The following TTC27 variants were observed in gnomAD, a reference collection of about 807,000 sequenced individuals.
TTC27 encodes tetratricopeptide repeat protein 27.
In TTC27, 79 loss-of-function variants were observed where a neutral mutation model predicts 115.9. That is an observed-to-expected ratio of 0.68 (90% confidence interval 0.57 to 0.82). The LOEUF (loss-of-function observed/expected upper bound fraction) is 0.82. Among genes scored for constraint, TTC27 ranks in the 40% least tolerant of loss-of-function variants. The pLI, the probability that TTC27 is intolerant of heterozygous loss-of-function variation, is 0.00. For missense variants in TTC27, 1,054 were observed against 993.1 expected (o/e 1.06, Z -0.82); for synonymous variants, 401 against 356.0 (o/e 1.13, Z -1.42).
intron 9 of TTC27, among the ~76,000 whole-genome samples, chr2:32,685,849 T>C (rs1979149): frequency 0.83 from 125,846 of 152,126 alleles, 52,101 homozygotes; most frequent in Middle Eastern, 0.92. Flanking sequence ...ACTAGAATCC[T>C]AGTAGTGCAA....
At chr2:32,767,484 G>A (rs1472253193) in intron 13 of TTC27, among the ~76,000 whole-genome samples, 11 of 117,404 alleles carry the variant, frequency 9.4e-5, no homozygotes, top group Admixed American at 3.6e-4. Context: ...ACAGAGTCTC[G>A]CTCTGTCTCC....
chr2:32,773,459 G>A (rs2148009129), intron 13 of TTC27, among the ~76,000 whole-genome samples: 1 of 152,326 alleles, frequency 6.6e-6, no homozygotes, highest in Non-Finnish European at 1.5e-5. Context: ...TAACTGCCCT[G>A]TTTCCCCCTC....
At chr2:32,696,266 G>GTTTAT (rs144957414) in intron 9 of TTC27, among the ~76,000 whole-genome samples, 15 of 150,428 alleles carry the variant, frequency 1.0e-4, no homozygotes, top group African/African-American at 2.9e-4. Context: ...CCACATTTTT[G>GTTTAT]TTTATTTTAT....
chr2:32,816,150 A>T (rs1671494664), intron 18 of TTC27, among the ~76,000 whole-genome samples: 1 of 151,948 alleles, frequency 6.6e-6, no homozygotes, highest in Non-Finnish European at 1.5e-5. Context: ...TCTACCAAAA[A>T]ATTAAAAAAT....
chr2:32,635,106 A>G (rs1664367417), intron 3 of TTC27: 1 of 152,176 alleles, frequency 6.6e-6, no homozygotes, highest in African/African-American at 2.4e-5. Context: ...AATATTATCG[A>G]TCTGTGCCAG....
At chr2:32,756,814 G>A (rs1384917478) in intron 12 of TTC27, among the ~76,000 whole-genome samples, 1 of 152,202 alleles carries the variant, frequency 6.6e-6, no homozygotes, top group South Asian at 2.1e-4. Context: ...ACGTGAAGGC[G>A]TGTGTGTGAG....
At chr2:32,676,075 A>G (rs1666190720) in intron 8 of TTC27, among the ~76,000 whole-genome samples, 1 of 152,060 alleles carries the variant, frequency 6.6e-6, no homozygotes, top group African/African-American at 2.4e-5. Flanking sequence ...TACAGCTGTG[A>G]GCCACTGTGC....
intron 9 of TTC27, among the ~76,000 whole-genome samples, chr2:32,691,486 AC>A (rs1422962463): frequency 6.6e-6 from 1 of 151,732 alleles, no homozygotes; most frequent in Non-Finnish European, 1.5e-5. Flanking sequence ...TTTAGTAGAG[AC>A]GGGGTTTCAT....
chr2:32,689,486 A>G (rs1031352098), intron 9 of TTC27, among the ~76,000 whole-genome samples: 4 of 152,164 alleles, frequency 2.6e-5, no homozygotes, highest in African/African-American at 7.2e-5. Flanking sequence ...AAAATGTAGA[A>G]CAAATTCCCA....
At chr2:32,750,129 G>A (rs1474469783) in intron 12 of TTC27, among the ~76,000 whole-genome samples, 1 of 152,188 alleles carries the variant, frequency 6.6e-6, no homozygotes, top group Non-Finnish European at 1.5e-5. Context: ...CAGAACTTAA[G>A]GTAAATCCAA....
chr2:32,799,736 C>G (rs1351417856), intron 16 of TTC27, among the ~76,000 whole-genome samples: 1 of 152,028 alleles, frequency 6.6e-6, no homozygotes, highest in African/African-American at 2.4e-5. Flanking sequence ...TGAAATGGAA[C>G]AGAATAGAGA....
At chr2:32,767,292 G>T (rs779225102) in intron 13 of TTC27, among the ~76,000 whole-genome samples, 2 of 152,022 alleles carry the variant, frequency 1.3e-5, no homozygotes, top group African/African-American at 2.4e-5. Context: ...TGTAATAGAG[G>T]CCTGTAATTT....
rs1271669503 is a variant in TTC27, at chr2:32,652,645, GTCATAA to G, written c.640+2413_640+2418del. Among the ~76,000 whole-genome samples the G allele has an allele frequency of 2.0e-4, 30 of 152,218 alleles. No homozygotes were observed. In the East Asian group the frequency reaches 2.3e-3, roughly 12 times the overall value. ...TCAACGGCACTTTTCAGTTTATCTA[GTCATAA>G]AATGGTCCATTTTGGCTAGGTCTAA... is the stretch of plus-strand genomic sequence containing the variant. On this transcript the variant is annotated intron_variant, in intron 5 of 19. Coordinates refer to ENST00000317907, the MANE Select transcript of TTC27 (RefSeq NM_017735.5).
chr2:32,796,336 G>A (rs947322213), intron 16 of TTC27, among the ~76,000 whole-genome samples: 9 of 152,164 alleles, frequency 5.9e-5, no homozygotes, highest in Admixed American at 1.3e-4. Context: ...CATGTTCATG[G>A]ATTGAAAAAC....
chr2:32,777,625 C>A (rs1349045109), intron 13 of TTC27, among the ~76,000 whole-genome samples: 1 of 152,134 alleles, frequency 6.6e-6, no homozygotes, highest in Non-Finnish European at 1.5e-5. Context: ...GTTTGGTTTA[C>A]ACTAAGTATG....
At chr2:32,649,331 A>T (rs1209466987) in intron 4 of TTC27, among the ~76,000 whole-genome samples, 1 of 151,932 alleles carries the variant, frequency 6.6e-6, no homozygotes, top group African/African-American at 2.4e-5. Context: ...ATGATTTCTT[A>T]CCTTGTTGGG....
intron 13 of TTC27, among the ~76,000 whole-genome samples, chr2:32,762,891 C>T (rs1345445414): frequency 2.0e-5 from 3 of 152,120 alleles, no homozygotes; most frequent in Non-Finnish European, 4.4e-5. Context: ...CCGCCCGCCT[C>T]GGTCTCCCAA....
At chr2:32,818,899 T>A (rs1448643165) in intron 19 of TTC27, among the ~76,000 whole-genome samples, 1 of 152,170 alleles carries the variant, frequency 6.6e-6, no homozygotes, top group East Asian at 1.9e-4. Context: ...CTTACTTCAC[T>A]TTTCCTATTT....
intron 6 of TTC27, among the ~76,000 whole-genome samples, chr2:32,665,327 A>G (rs1013584655): frequency 1.3e-5 from 2 of 152,184 alleles, no homozygotes; most frequent in African/African-American, 4.8e-5. Context: ...ATAAGTTGGA[A>G]CAATGGCCAT....
Sources: gnomAD v4.1 joint callset for allele counts (sites outside exome capture counted in the v4.1 genomes callset) on GRCh38, gnomAD v4.1.1 for gene constraint, MANE v1.5 for transcripts, NCBI Gene and HGNC (gene_info 2026-07-23, HGNC 2026-07-21) for gene names.